The following FAM83G variants were observed in gnomAD, a reference collection of about 807,000 sequenced individuals.
The protein encoded by FAM83G is scaffolding CK1 anchoring protein G.
FAM83G carries 38 observed loss-of-function variants against 61.5 expected under a neutral mutation model. That is an observed-to-expected ratio of 0.62 (90% confidence interval 0.48 to 0.81). The LOEUF is 0.81. Among genes scored for constraint, FAM83G ranks in the 30% least tolerant of loss-of-function variants. FAM83G has a pLI of 0.00. For missense variants in FAM83G, 989 were observed against 1,133.6 expected, an observed-to-expected ratio of 0.87 and a Z score of 1.83; for synonymous variants, 470 against 476.1, an observed-to-expected ratio of 0.99 and a Z score of 0.17.
intron 3 of FAM83G, among the ~76,000 whole-genome samples, chr17:18,986,642 C>A (rs1351794214): frequency 6.6e-6 from 1 of 152,244 alleles, no homozygotes; most frequent in Non-Finnish European, 1.5e-5. Flanking sequence ...GGCTTCTCTG[C>A]TGAGAAGGGG....
Position 18,971,284 on chromosome 17 carries a change from G to A in FAM83G, c.*75C>T, listed in dbSNP as rs201293728. 3.4e-3 allele frequency: 5,523 copies of A among 1,610,038 alleles called. 17 individuals are homozygous for A. The highest frequency in any genetic ancestry group is 4.4e-3 in the Admixed American group (265 of 59,958). On this transcript the variant is annotated 3_prime_UTR_variant, in exon 6 of 6. Transcript: ENST00000388995. This position sits in a 1 kb window ranked among gnomAD's most constrained non-coding sequence, Gnocchi z 5.5. ...TCCCAGTGGGCTCTGGTAGGCCCAG[G>A]CGGCCTGTCTGCCCTCCGCGTCATG...
chr17:18,973,455 C>G (rs1168010373), intron 5 of FAM83G, among the ~76,000 whole-genome samples: 1 of 152,224 alleles, frequency 6.6e-6, no homozygotes, highest in African/African-American at 2.4e-5. Flanking sequence ...GGCCTCTGCC[C>G]TACCTCCCCA....
At chr17:18,976,613 T>C (rs2042986658) in intron 5 of FAM83G, 1 of 536,048 alleles carries the variant, frequency 1.9e-6, no homozygotes, top group Non-Finnish European at 3.3e-6. Flanking sequence ...TATTGACAGG[T>C]CAGGGGACTG....
chr17:18,973,562 G>C (rs538381557), intron 5 of FAM83G, among the ~76,000 whole-genome samples: 6 of 152,330 alleles, frequency 3.9e-5, no homozygotes, highest in Admixed American at 3.3e-4. Flanking sequence ...TCTCTGTGTG[G>C]CTCTCACTGA....
intron 2 of FAM83G, among the ~76,000 whole-genome samples, chr17:18,992,080 G>A (rs1185715118): frequency 6.6e-6 from 1 of 152,124 alleles, no homozygotes; most frequent in Non-Finnish European, 1.5e-5. Context: ...CTCTCCCTGG[G>A]GGCTCCTGGT....
chr17:18,993,862 A>G (rs1246171167), intron 2 of FAM83G, among the ~76,000 whole-genome samples: 1 of 152,232 alleles, frequency 6.6e-6, no homozygotes, highest in African/African-American at 2.4e-5. Context: ...GGGGATAATA[A>G]CAATCCCCAC....
intron 2 of FAM83G, 67 bp from the exon 3 acceptor site, chr17:18,988,481 G>A: frequency 6.3e-7 from 1 of 1,587,240 alleles, no homozygotes; most frequent in Non-Finnish European, 8.6e-7. Flanking sequence ...TGCCCTGGCA[G>A]AGCGCACAGC....
At chr17:18,973,946 G>A (rs1473338890) in intron 5 of FAM83G, among the ~76,000 whole-genome samples, 1 of 141,182 alleles carries the variant, frequency 7.1e-6, no homozygotes, top group African/African-American at 2.6e-5. Context: ...AGGCTGGAGT[G>A]CAGTGGTGTG....
intron 2 of FAM83G, among the ~76,000 whole-genome samples, chr17:18,992,875 C>CAG: frequency 6.6e-6 from 1 of 152,132 alleles, no homozygotes; most frequent in East Asian, 1.9e-4. Context: ...TGCTGGTGGC[C>CAG]GCCCTCTCCC....
chr17:18,990,348 G>A (rs1181922817), intron 2 of FAM83G, among the ~76,000 whole-genome samples: 1 of 152,078 alleles, frequency 6.6e-6, no homozygotes, highest in Non-Finnish European at 1.5e-5. Context: ...GTGTGTGGTG[G>A]TAGCAGGGTC....
Position 19,003,311 on chromosome 17 carries a change from C to A in FAM83G, c.522+209G>T, listed in dbSNP as rs746937067. On this transcript the variant is annotated intron_variant, in intron 2 of 5. Coordinates refer to ENST00000388995, the MANE Select transcript of FAM83G (RefSeq NM_001039999.3). This position sits in a 1 kb window ranked among gnomAD's most constrained non-coding sequence, Gnocchi z 4.5. ...AGACGGGGCAGCCCACTGTCACCTG[C>A]TAGGACCTGGGAACCCTACCCTGCA... 6.6e-6 allele frequency among the ~76,000 whole-genome samples: 1 copy of A among 151,968 alleles called. No individual in the cohort carries two copies. The highest frequency in any genetic ancestry group is 2.1e-4 in the South Asian group (1 of 4,812).
At chr17:18,988,777 T>C (rs1453635201) in intron 2 of FAM83G, among the ~76,000 whole-genome samples, 1 of 152,220 alleles carries the variant, frequency 6.6e-6, no homozygotes, top group Non-Finnish European at 1.5e-5. Flanking sequence ...ATCCCCTACA[T>C]TCCTGGGCTG....
At chr17:18,988,225 G>A in intron 3 of FAM83G, 22 bp downstream of exon 3, 5 of 1,601,282 alleles carry the variant, frequency 3.1e-6, no homozygotes, top group Non-Finnish European at 4.3e-6. Flanking sequence ...CAGCCACCCA[G>A]GCAAGTGAGG....
Position 18,971,865 on chromosome 17 carries a change from C to T in FAM83G, c.2083-117G>A. On this transcript the variant is annotated intron_variant, in intron 5 of 5. Coordinates refer to ENST00000388995, the MANE Select transcript of FAM83G (RefSeq NM_001039999.3). This position sits in a 1 kb window ranked among gnomAD's most constrained non-coding sequence, Gnocchi z 5.5. ...GCCCGGGTTCGCCTCCTGGCTCTGC[C>T]ATTCACCAGGGAGTGGGCCTAGACC... The T allele has an allele frequency of 2.6e-6, 3 of 1,141,256 alleles. No homozygotes were observed. Among genetic ancestry groups the T allele is most frequent in the Non-Finnish European group, 3.6e-6 (3 of 822,992 alleles). 70.7% of individuals were successfully genotyped at this position (1,141,256 alleles called of 1,614,324 possible).
At chr17:18,992,501 C>T (rs553213809) in intron 2 of FAM83G, among the ~76,000 whole-genome samples, 150 of 152,240 alleles carry the variant, frequency 9.9e-4, no homozygotes, top group Non-Finnish European at 1.7e-3. Flanking sequence ...CCTGAAGCCA[C>T]GTAACACTGG....
At chr17:18,998,424 G>A (rs1290170252) in intron 2 of FAM83G, among the ~76,000 whole-genome samples, 1 of 152,266 alleles carries the variant, frequency 6.6e-6, no homozygotes, top group African/African-American at 2.4e-5. Context: ...TCTCCAGCCA[G>A]GGAGACCCAA....
intron 5 of FAM83G, chr17:18,975,687 C>T (rs948744299): frequency 6.6e-6 from 1 of 151,572 alleles, no homozygotes; most frequent in Non-Finnish European, 1.5e-5. Context: ...AAGAGTGAAA[C>T]TCCATCTCAA....
At position 19,000,552 on chromosome 17, in the gene FAM83G, G is replaced by C. The variant is rs903426421; in HGVS notation, c.522+2968C>G. Among the ~76,000 whole-genome samples the C allele has an allele frequency of 6.6e-6, 1 of 152,288 alleles. No homozygotes were observed. Among genetic ancestry groups the C allele is most frequent in the African/African-American group, 2.4e-5 (1 of 41,544 alleles). ...ACACAGCCGCTCCCCTAAGTGCTGCGTCACTTCCCTGCCCCAGGGTCTGCC... is the reference window on the plus strand; with the variant it reads ...ACACAGCCGCTCCCCTAAGTGCTGCCTCACTTCCCTGCCCCAGGGTCTGCC... On this transcript the variant is annotated intron_variant, in intron 2 of 5. Transcript: ENST00000388995. This position sits in a 1 kb window ranked among gnomAD's most constrained non-coding sequence, Gnocchi z 5.2.
At chr17:18,985,398 C>T (rs1257392026) in intron 3 of FAM83G, among the ~76,000 whole-genome samples, 1 of 152,224 alleles carries the variant, frequency 6.6e-6, no homozygotes, top group Non-Finnish European at 1.5e-5. Flanking sequence ...GCACCTGACA[C>T]CCCAAGGTCA....
Sources: allele counts gnomAD v4.1 joint callset (sites outside exome capture counted in the v4.1 genomes callset), GRCh38; gene constraint gnomAD v4.1.1; non-coding constraint Gnocchi (gnomAD v3.1); transcripts MANE v1.5; gene names NCBI Gene and HGNC (gene_info 2026-07-23, HGNC 2026-07-21).